HTR4: variants seen among roughly 807,000 people sequenced by gnomAD.
HTR4 encodes 5-hydroxytryptamine (serotonin) receptor 4, G protein-coupled.
In HTR4, 16 loss-of-function variants were observed where a neutral mutation model predicts 36.8. The ratio of observed to expected loss-of-function variants is 0.43; its 90% CI spans 0.29 to 0.66. The LOEUF is 0.66. Ranked by LOEUF, HTR4 falls within the 30% of genes least tolerant of loss-of-function variation. The pLI is 0.13. For missense variants in HTR4, 438 were observed against 490.9 expected, an observed-to-expected ratio of 0.89 and a Z score of 1.02; for synonymous variants, 189 against 185.1, an observed-to-expected ratio of 1.02 and a Z score of -0.17.
At chr5:148,615,049 T>C (rs1450441571) in intron 2 of HTR4, among the ~76,000 whole-genome samples, 2 of 151,768 alleles carry the variant, frequency 1.3e-5, no homozygotes, top group African/African-American at 4.8e-5. Context: ...GGAGAGGATG[T>C]GGAGAAATAG....
intron 4 of HTR4, among the ~76,000 whole-genome samples, chr5:148,527,656 G>A (rs1004918078): frequency 2.0e-5 from 3 of 150,214 alleles, no homozygotes; most frequent in Non-Finnish European, 1.5e-5. Context: ...CTGTTCTGTT[G>A]CCCGGGCTGA....
intron 4 of HTR4, among the ~76,000 whole-genome samples, chr5:148,545,747 G>T (rs990366806): frequency 6.6e-6 from 1 of 152,180 alleles, no homozygotes; most frequent in Non-Finnish European, 1.5e-5. Flanking sequence ...GGTTAGGAAG[G>T]GGGTGAAGGG....
At chr5:148,480,389 TA>T (rs561304071), downstream of HTR4, among the ~76,000 whole-genome samples, 3 of 152,232 alleles carry the variant, frequency 2.0e-5, no homozygotes, top group Non-Finnish European at 2.9e-5. Context: ...TTTATTTGTT[TA>T]TTTAGTGAGA....
At chr5:148,491,666 C>T (rs2113736039) in intron 6 of HTR4, among the ~76,000 whole-genome samples, 1 of 152,252 alleles carries the variant, frequency 6.6e-6, no homozygotes, top group East Asian at 1.9e-4. Context: ...CTCTGGTAAA[C>T]AAGATCATTC....
intron 2 of HTR4, among the ~76,000 whole-genome samples, chr5:148,570,723 T>C (rs1343492159): frequency 6.6e-6 from 1 of 152,072 alleles, no homozygotes; most frequent in Non-Finnish European, 1.5e-5. Flanking sequence ...TCGGTGATTG[T>C]TTTAAGAAGG....
intron 2 of HTR4, among the ~76,000 whole-genome samples, chr5:148,604,817 G>A (rs545648895): frequency 6.6e-6 from 1 of 152,274 alleles, no homozygotes; most frequent in African/African-American, 2.4e-5. Context: ...TACCTTTGCA[G>A]GGTAGAGGTA....
At chr5:148,519,648 A>G (rs1041796708) in intron 5 of HTR4, among the ~76,000 whole-genome samples, 1 of 152,186 alleles carries the variant, frequency 6.6e-6, no homozygotes, top group Non-Finnish European at 1.5e-5. Flanking sequence ...CAGTGTTTTT[A>G]TGGTCATTTG....
intron 2 of HTR4, among the ~76,000 whole-genome samples, chr5:148,564,548 T>C (rs371563583): frequency 6.6e-6 from 1 of 152,160 alleles, no homozygotes; most frequent in Non-Finnish European, 1.5e-5. Context: ...TTTAAAGTAG[T>C]GATCAACACA....
In HTR4 at chr5:148,654,067, G is replaced by T; in HGVS notation, c.-53C>A. On this transcript the variant is annotated 5_prime_UTR_variant, in exon 1 of 7. Transcript: ENST00000377888. ...GGCGCACTTGCCGCACATACCCGCT[G>T]CCAGAGGCGAGGGAGCGAGGTGCCC... 7 of 985,306 alleles carry T rather than the reference G, an allele frequency of 7.1e-6. No homozygotes were observed. The highest frequency in any genetic ancestry group is 8.4e-6 in the Non-Finnish European group (7 of 829,910). 61.0% of individuals were successfully genotyped at this position (985,306 alleles called of 1,614,324 possible). A position where few individuals can be genotyped will look rare whatever the true frequency, so the allele number is the denominator to read the frequency against.
chr5:148,651,937 G>A (rs1754052082), intron 1 of HTR4, among the ~76,000 whole-genome samples: 1 of 152,064 alleles, frequency 6.6e-6, no homozygotes. Flanking sequence ...TGATCTAGTG[G>A]CTAGATTCTA....
At chr5:148,478,316 G>A (rs1755765512), downstream of HTR4, among the ~76,000 whole-genome samples, 3 of 152,182 alleles carry the variant, frequency 2.0e-5, no homozygotes, top group South Asian at 6.2e-4. Context: ...TCAAGAAAGA[G>A]GACATTCTCC....
chr5:148,539,700 T>A (rs184454445), intron 4 of HTR4, among the ~76,000 whole-genome samples: 1 of 152,274 alleles, frequency 6.6e-6, no homozygotes, highest in East Asian at 1.9e-4. Context: ...ACAATGGCTA[T>A]TATTGAAAAG....
intron 2 of HTR4, among the ~76,000 whole-genome samples, chr5:148,558,898 C>A (rs972233394): frequency 6.6e-6 from 1 of 152,172 alleles, no homozygotes; most frequent in Admixed American, 6.5e-5. Flanking sequence ...TACAGATGTT[C>A]CTAGACTTAT....
chr5:148,506,498 G>A (rs1757222993), intron 6 of HTR4, among the ~76,000 whole-genome samples: 1 of 152,120 alleles, frequency 6.6e-6, no homozygotes, highest in Non-Finnish European at 1.5e-5. Context: ...AAAAACAACG[G>A]CAACAGAAGC....
At chr5:148,590,297 TTTTTTTTTTTTTTTTTTTG>T (rs1456241021) in intron 2 of HTR4, among the ~76,000 whole-genome samples, 1 of 124,130 alleles carries the variant, frequency 8.1e-6, no homozygotes, top group African/African-American at 3.2e-5. Context: ...CTTTTTTTTT[TTTTTTTTTTTTTTTTTTTG>T]AGACAGAGTT....
intron 2 of HTR4, among the ~76,000 whole-genome samples, chr5:148,551,476 C>A (rs531731072): frequency 6.6e-6 from 1 of 152,268 alleles, no homozygotes; most frequent in African/African-American, 2.4e-5. Flanking sequence ...ATGTTGCCTT[C>A]CCCATGTAAA....
intron 5 of HTR4, among the ~76,000 whole-genome samples, chr5:148,471,590 G>A (rs1211929957): frequency 5.3e-5 from 8 of 152,138 alleles, no homozygotes; most frequent in South Asian, 2.1e-4. Context: ...CACAAAAATG[G>A]CACTAGAAGA....
At chr5:148,563,446 C>T (rs1760303339) in intron 2 of HTR4, among the ~76,000 whole-genome samples, 1 of 152,164 alleles carries the variant, frequency 6.6e-6, no homozygotes, top group African/African-American at 2.4e-5. Flanking sequence ...CTTTTACGCT[C>T]CCACACACAC....
intron 3 of HTR4, 125 bp from the exon 4 acceptor site, chr5:148,548,993 G>C: frequency 1.4e-6 from 1 of 690,210 alleles, no homozygotes; most frequent in Non-Finnish European, 2.5e-6. Flanking sequence ...AAGGGAGGGG[G>C]AAAGAGGAAA....
Sources: gnomAD v4.1 joint callset for allele counts (sites outside exome capture counted in the v4.1 genomes callset) on GRCh38, gnomAD v4.1.1 for gene constraint, MANE v1.5 for transcripts, NCBI Gene and HGNC (gene_info 2026-07-23, HGNC 2026-07-21) for gene names.